MAP2: variants seen among roughly 807,000 people sequenced by gnomAD.
MAP2 encodes microtubule associated protein 2.
Under a neutral mutation model 137.6 loss-of-function variants are expected in MAP2, and 14 were observed. The ratio of observed to expected loss-of-function variants is 0.10; its 90% CI spans 0.07 to 0.16. The LOEUF (loss-of-function observed/expected upper bound fraction) is 0.16. Ranked by LOEUF, MAP2 falls within the 10% of genes least tolerant of loss-of-function variation. The pLI is 1.00. For synonymous variants in MAP2, 786 were observed against 782.3 expected (o/e 1.00, Z -0.08); for missense variants, 2,088 against 2,191.5 (o/e 0.95, Z 0.94).
At chr2:209,443,161 A>T (rs1698228719) in intron 1 of MAP2, among the ~76,000 whole-genome samples, 1 of 151,310 alleles carries the variant, frequency 6.6e-6, no homozygotes, top group Non-Finnish European at 1.5e-5. Context: ...TGGCCTCAGA[A>T]ATACCAATCT....
intron 1 of MAP2, among the ~76,000 whole-genome samples, chr2:209,447,440 A>G (rs1699330184): frequency 6.6e-6 from 1 of 152,056 alleles, no homozygotes; most frequent in South Asian, 2.1e-4. Flanking sequence ...TAGGGATAAA[A>G]TGTAATATGT....
intron 4 of MAP2, among the ~76,000 whole-genome samples, chr2:209,640,294 T>C (rs1206192340): frequency 1.3e-5 from 2 of 152,250 alleles, no homozygotes; most frequent in East Asian, 1.9e-4. Context: ...TTTTCTAGTA[T>C]TCCCAGTGTG....
intron 4 of MAP2, among the ~76,000 whole-genome samples, chr2:209,639,273 T>C (rs991789820): frequency 1.3e-5 from 2 of 152,160 alleles, no homozygotes; most frequent in Non-Finnish European, 2.9e-5. Context: ...CAAAATTGTA[T>C]AAAACATGAT....
intron 10 of MAP2, among the ~76,000 whole-genome samples, chr2:209,699,364 C>T (rs1490483199): frequency 6.6e-6 from 1 of 151,936 alleles, no homozygotes; most frequent in Non-Finnish European, 1.5e-5. Context: ...CTGAGGGTTT[C>T]TATTTTATGA....
chr2:209,515,482 C>T (rs553766156), intron 2 of MAP2, among the ~76,000 whole-genome samples: 9 of 152,200 alleles, frequency 5.9e-5, no homozygotes, highest in African/African-American at 2.2e-4. Flanking sequence ...ACTTTCTTCA[C>T]CTTCTTCACA....
Position 209,680,741 on chromosome 2 carries a change from G to C in MAP2, c.377-9G>C. 6.2e-7 allele frequency: 1 copy of C among 1,611,680 alleles called. No homozygotes were observed. Reference sequence around the variant, plus strand: ...ATTGCATCTCATTTTTCTATTGTTTGATCTTTAGCAGCTGAAGAAACAGCT... The same window carrying C: ...ATTGCATCTCATTTTTCTATTGTTTCATCTTTAGCAGCTGAAGAAACAGCT... On this transcript the variant is annotated splice_polypyrimidine_tract_variant and intron_variant, in intron 6 of 15. Coordinates refer to ENST00000682079, the MANE Select transcript of MAP2 (RefSeq NM_001375505.1).
chr2:209,604,193 T>G (rs1248134074), intron 3 of MAP2, among the ~76,000 whole-genome samples: 1 of 152,170 alleles, frequency 6.6e-6, no homozygotes, highest in Non-Finnish European at 1.5e-5. Flanking sequence ...TTTAGAATGT[T>G]TGCATTTATT....
chr2:209,593,247 A>G (rs922262636), intron 3 of MAP2, among the ~76,000 whole-genome samples: 30 of 151,936 alleles, frequency 2.0e-4, no homozygotes, highest in Non-Finnish European at 2.5e-4. Flanking sequence ...AATCACCTCT[A>G]TTTCCTCAAG....
chr2:209,433,653 G>A (rs1694925117), intron 1 of MAP2, among the ~76,000 whole-genome samples: 1 of 152,042 alleles, frequency 6.6e-6, no homozygotes, highest in Non-Finnish European at 1.5e-5. Flanking sequence ...ATTTGCTAAT[G>A]TGTTAAATCA....
At chr2:209,610,144 T>C (rs1210086263) in intron 3 of MAP2, among the ~76,000 whole-genome samples, 2 of 152,080 alleles carry the variant, frequency 1.3e-5, no homozygotes. Flanking sequence ...CTGTGATCTA[T>C]GGATAAGCAA....
chr2:209,500,542 C>A (rs954426253), intron 1 of MAP2, among the ~76,000 whole-genome samples: 5 of 152,150 alleles, frequency 3.3e-5, no homozygotes, highest in Non-Finnish European at 5.9e-5. Context: ...ATTTTTCTCC[C>A]CTTCACTGAT....
intron 1 of MAP2, among the ~76,000 whole-genome samples, chr2:209,506,735 G>T (rs550633767): frequency 5.9e-5 from 9 of 152,238 alleles, no homozygotes; most frequent in African/African-American, 2.2e-4. Flanking sequence ...AAGATTGATC[G>T]TTTACCACTG....
chr2:209,566,490 A>T (rs2073436822), intron 2 of MAP2, among the ~76,000 whole-genome samples: 1 of 152,178 alleles, frequency 6.6e-6, no homozygotes, highest in African/African-American at 2.4e-5. Flanking sequence ...AGTGGTTTAA[A>T]AATGAAACTC....
intron 3 of MAP2, among the ~76,000 whole-genome samples, chr2:209,588,307 G>T (rs963076918): frequency 7.9e-5 from 12 of 152,132 alleles, no homozygotes. Flanking sequence ...GTCTGAGTAA[G>T]TTTTGTTTTT....
chr2:209,477,596 A>G (rs909173826), intron 1 of MAP2, among the ~76,000 whole-genome samples: 1 of 152,086 alleles, frequency 6.6e-6, no homozygotes, highest in African/African-American at 2.4e-5. Flanking sequence ...GTCTGTCTTA[A>G]TCTCTACCTA....
At chr2:209,608,235 T>C (rs1308005614) in intron 3 of MAP2, among the ~76,000 whole-genome samples, 1 of 152,052 alleles carries the variant, frequency 6.6e-6, no homozygotes, top group African/African-American at 2.4e-5. Context: ...AAAGATTAAA[T>C]ACTGTACACA....
At chr2:209,616,202 A>G (rs561287672) in intron 3 of MAP2, among the ~76,000 whole-genome samples, 9 of 152,332 alleles carry the variant, frequency 5.9e-5, no homozygotes, top group Admixed American at 4.6e-4. Flanking sequence ...TGGCACACAC[A>G]AGCATGGCCT....
intron 3 of MAP2, among the ~76,000 whole-genome samples, chr2:209,598,620 C>T (rs2082076519): frequency 1.4e-5 from 2 of 143,620 alleles, no homozygotes; most frequent in Middle Eastern, 3.5e-3. Flanking sequence ...ACAACAGTCC[C>T]CAGAGTGTGA....
Position 209,695,680 on chromosome 2 carries a change from A to G in MAP2, c.3510A>G (p.Ser1170=), listed in dbSNP as rs1229060136. ...AAGATGAGATTGCCGTCAAATTGTC[A>G]GTGGAAATACCTTGCCCACCTGCTG... ...LIQDEIAVKL[S]VEIPCPPAVS... is the part of the protein sequence containing the mutation. Residue 1170 remains serine (S), a synonymous_variant, in exon 8 of 16, where the codon TCA becomes TCG. Coordinates refer to ENST00000682079, the MANE Select transcript of MAP2 (RefSeq NM_001375505.1). 1.2e-6 allele frequency: 2 copies of G among 1,614,124 alleles called. No individual in the cohort carries two copies. The highest frequency in any genetic ancestry group is 1.7e-6 in the Non-Finnish European group (2 of 1,180,000).
Sources: gnomAD v4.1 joint callset for allele counts (sites outside exome capture counted in the v4.1 genomes callset) on GRCh38, gnomAD v4.1.1 for gene constraint, MANE v1.5 for transcripts, NCBI Gene and HGNC (gene_info 2026-07-23, HGNC 2026-07-21) for gene names.